CUL3: variants seen among roughly 807,000 people sequenced by gnomAD.
CUL3 encodes the protein cullin 3, also known as cullin-3.
In CUL3, 19 loss-of-function variants were observed where a neutral mutation model predicts 89.1. The observed-to-expected ratio is 0.21, with a 90% confidence interval of 0.15 to 0.31. The LOEUF (loss-of-function observed/expected upper bound fraction) is 0.31. Ranked by LOEUF, CUL3 falls within the 10% of genes least tolerant of loss-of-function variation. The probability of loss-of-function intolerance (pLI) is 1.00; values close to 1 mark genes in which losing one functional copy is unlikely to be tolerated. For missense variants in CUL3, 469 were observed against 942.3 expected (o/e 0.50, Z 6.58); for synonymous variants, 351 against 308.4 (o/e 1.14, Z -1.45).
chr2:224,541,896 G>A (rs1694121693), intron 2 of CUL3, among the ~76,000 whole-genome samples: 1 of 152,054 alleles, frequency 6.6e-6, no homozygotes, highest in Admixed American at 6.6e-5. Flanking sequence ...TCAGGAACTA[G>A]GGGTTAAGAG....
At position 224,500,268 on chromosome 2, in the gene CUL3, C is replaced by T. The variant is rs1046247686; in HGVS notation, c.1610+95G>A. The T allele has an allele frequency of 8.2e-5, 114 of 1,394,652 alleles. 1 individual carries two copies. Among genetic ancestry groups the T allele is most frequent in the Non-Finnish European group, 7.9e-5 (79 of 1,001,050 alleles). 86.4% of individuals were successfully genotyped at this position (1,394,652 alleles called of 1,614,324 possible). On this transcript the variant is annotated intron_variant, in intron 11 of 15. Transcript: ENST00000264414. ...TGATCACGAGGTAATAAATGGAATA[C>T]ATTCATCCTCAATTACGGATACTAA...
chr2:224,526,673 T>A (rs1693493145), intron 3 of CUL3, among the ~76,000 whole-genome samples: 1 of 150,990 alleles, frequency 6.6e-6, no homozygotes, highest in Non-Finnish European at 1.5e-5. Context: ...TGTTAGGCAG[T>A]GTAAACACTG....
chr2:224,483,069 T>A (rs1220790923), intron 13 of CUL3, among the ~76,000 whole-genome samples: 1 of 152,212 alleles, frequency 6.6e-6, no homozygotes, highest in Non-Finnish European at 1.5e-5. Context: ...AATGTGATTT[T>A]CAGTGATTAC....
chr2:224,543,475 A>G (rs1028124970), intron 2 of CUL3, among the ~76,000 whole-genome samples: 5 of 152,238 alleles, frequency 3.3e-5, no homozygotes, highest in Non-Finnish European at 7.3e-5. Context: ...TTCACCCAGA[A>G]GCTAAGATAA....
chr2:224,531,164 T>C (rs550756645), intron 3 of CUL3, among the ~76,000 whole-genome samples: 9 of 151,040 alleles, frequency 6.0e-5, no homozygotes, highest in Non-Finnish European at 1.2e-4. Context: ...CTTGGCTTCC[T>C]GCAACCTCTG....
chr2:224,488,423 A>G (rs1025585691), intron 13 of CUL3, among the ~76,000 whole-genome samples: 3 of 152,322 alleles, frequency 2.0e-5, no homozygotes, highest in Middle Eastern at 3.4e-3. Context: ...ATAAAAAACG[A>G]TAAAGTGGAT....
At chr2:224,582,546 G>A (rs906342942) in intron 1 of CUL3, among the ~76,000 whole-genome samples, 2 of 152,166 alleles carry the variant, frequency 1.3e-5, no homozygotes, top group African/African-American at 4.8e-5. Flanking sequence ...GAAATCAGCA[G>A]CTATTAACTA....
intron 1 of CUL3, among the ~76,000 whole-genome samples, chr2:224,566,207 C>T (rs775738915): frequency 6.6e-6 from 1 of 152,206 alleles, no homozygotes; most frequent in Non-Finnish European, 1.5e-5. Flanking sequence ...AAAAGGCAAT[C>T]CCTTACTGAC....
chr2:224,567,450 TA>T (rs1277042108), intron 1 of CUL3, among the ~76,000 whole-genome samples: 1 of 152,172 alleles, frequency 6.6e-6, no homozygotes, highest in African/African-American at 2.4e-5. Flanking sequence ...TTAAAACTTC[TA>T]GGCTTCGGCC....
chr2:224,535,761 G>A (rs1270777072), intron 2 of CUL3, 120 bp from the exon 3 acceptor site: 2 of 683,808 alleles, frequency 2.9e-6, no homozygotes, highest in African/African-American at 3.6e-5. Context: ...TCAAAGAAAT[G>A]TTATAGGCTA....
chr2:224,514,826 T>C (rs1279105320), intron 3 of CUL3, 54 bp from the exon 4 acceptor site: 6 of 1,261,208 alleles, frequency 4.8e-6, no homozygotes, highest in South Asian at 2.8e-5. Context: ...ATAATAATTA[T>C]TGTGTGCTAC....
intron 2 of CUL3, among the ~76,000 whole-genome samples, chr2:224,553,049 T>C (rs1408515618): frequency 6.6e-6 from 1 of 152,218 alleles, no homozygotes; most frequent in Non-Finnish European, 1.5e-5. Flanking sequence ...TCTCATTTAG[T>C]AGAACAAACT....
intron 1 of CUL3, among the ~76,000 whole-genome samples, chr2:224,570,976 G>A (rs1292868890): frequency 2.6e-5 from 4 of 152,070 alleles, no homozygotes; most frequent in East Asian, 1.9e-4. Context: ...CAACTCTTTC[G>A]ACTATATCTC....
chr2:224,541,693 T>C (rs888489911), intron 2 of CUL3, among the ~76,000 whole-genome samples: 22 of 152,204 alleles, frequency 1.4e-4, no homozygotes, highest in African/African-American at 5.3e-4. Flanking sequence ...CAAACTGTGG[T>C]ACATTCATAC....
At chr2:224,483,541 T>C (rs921402847) in intron 13 of CUL3, among the ~76,000 whole-genome samples, 7 of 152,218 alleles carry the variant, frequency 4.6e-5, no homozygotes, top group Admixed American at 6.5e-5. Context: ...TGGTAATCAA[T>C]TGTATATTTA....
At chr2:224,545,740 T>C (rs147544243) in intron 2 of CUL3, among the ~76,000 whole-genome samples, 8 of 152,252 alleles carry the variant, frequency 5.3e-5, no homozygotes, top group Non-Finnish European at 1.0e-4. Context: ...GGGAGCCTAA[T>C]ATTAGCATTC....
At chr2:224,530,617 G>A (rs1183754606) in intron 3 of CUL3, among the ~76,000 whole-genome samples, 2 of 152,152 alleles carry the variant, frequency 1.3e-5, no homozygotes, top group Non-Finnish European at 2.9e-5. Context: ...ATTTTAAAAT[G>A]CACTTTTGGT....
Position 224,473,957 on chromosome 2 carries a change from T to C in CUL3, c.*288A>G. 1 of 264,050 alleles carries C rather than the reference T, an allele frequency of 3.8e-6. No individual in the cohort carries two copies. 16.4% of individuals were successfully genotyped at this position (264,050 alleles called of 1,614,324 possible). Reference sequence around the variant, plus strand: ...ATGAGCTGTATTTTCTAAATTTCTCTTTTATTTTCCTGTTTTCATACAGTA... The same window carrying C: ...ATGAGCTGTATTTTCTAAATTTCTCCTTTATTTTCCTGTTTTCATACAGTA... On this transcript the variant is annotated 3_prime_UTR_variant, in exon 16 of 16. Transcript: ENST00000264414.
rs1691685764 is a variant in CUL3, at chr2:224,485,568, T to C, written c.1843-3490A>G. On this transcript the variant is annotated intron_variant, in intron 13 of 15. Coordinates refer to ENST00000264414, the MANE Select transcript of CUL3 (RefSeq NM_003590.5). This position sits in a 1 kb window ranked among gnomAD's most constrained non-coding sequence, Gnocchi z 4.1. ...CCAAACTGCCTCTCTAGATTCCTCTTGACTGGGCAGGGCATCTCGGAAAGA... is the reference window on the plus strand; with the variant it reads ...CCAAACTGCCTCTCTAGATTCCTCTCGACTGGGCAGGGCATCTCGGAAAGA... Among the ~76,000 whole-genome samples the C allele has an allele frequency of 2.0e-5, 3 of 152,166 alleles. No homozygotes were observed.
Sources: allele counts gnomAD v4.1 joint callset (sites outside exome capture counted in the v4.1 genomes callset), GRCh38; gene constraint gnomAD v4.1.1; non-coding constraint Gnocchi (gnomAD v3.1); transcripts MANE v1.5; gene names NCBI Gene and HGNC (gene_info 2026-07-23, HGNC 2026-07-21).